Variants in THOC2 observed in about 807,000 individuals in gnomAD.
THOC2 encodes the protein THO complex subunit 2.
A neutral mutation model predicts 128.4 loss-of-function variants in THOC2; 10 were observed. The observed-to-expected ratio is 0.08, with a 90% CI of 0.05 to 0.13. The LOEUF (loss-of-function observed/expected upper bound fraction) is 0.13. Ranked by LOEUF, THOC2 falls within the 10% of genes least tolerant of loss-of-function variation. THOC2 has a pLI of 1.00. For synonymous variants in THOC2, 393 were observed against 396.9 expected (o/e 0.99, Z 0.12); for missense variants, 535 against 1,155.7 (o/e 0.46, Z 7.79).
At chrX:123,635,901 CTATT>C (rs2047654908) in intron 19 of THOC2, among the ~76,000 whole-genome samples, 174 bp downstream of exon 19, 2 of 111,850 alleles carry the variant, frequency 1.8e-5, no homozygotes, top group East Asian at 2.8e-4. Flanking sequence ...AAAAAGGTGT[CTATT>C]TATGTATTAA....
Position 123,634,090 on chromosome X carries a change from A to G in THOC2, c.2019-20T>C, listed in dbSNP as rs766108981. 7 of 958,200 alleles carry G rather than the reference A, an allele frequency of 7.3e-6. No homozygotes were observed. Among genetic ancestry groups the G allele is most frequent in the Middle Eastern group, 2.7e-4 (1 of 3,716 alleles). The allele number at this position is 958,200 out of a possible 1,213,427, so 79.0% of individuals were successfully genotyped here. ...TCAAAACTATTCAAAAAGAAAAAAG[A>G]AACAGTCTATAGTTAGAACTTCAAA... is the stretch of plus-strand genomic sequence containing the variant. On this transcript the variant is annotated intron_variant, in intron 19 of 38. Transcript: ENST00000245838.
chrX:123,601,194 T>C lies in THOC2; in HGVS notation c.*163A>G, dbSNP rs188934207. 9.3e-4 allele frequency: 105 copies of C among 112,365 alleles called. No individual in the cohort carries two copies. The highest frequency in any genetic ancestry group is 3.3e-3 in the African/African-American group (103 of 30,902). The allele number at this position is 112,365 out of a possible 1,213,427, so 9.3% of individuals were successfully genotyped here. The stretch of plus-strand genomic sequence containing the variant: ...AATACAGTAATGCACAACTTAACAA[T>C]TTTAAGTTTTCCACATGGAGCAATA... On this transcript the variant is annotated 3_prime_UTR_variant, in exon 39 of 39. Transcript: ENST00000245838.
Position 123,613,394 on chromosome X carries a change from T to G in THOC2, c.4677+5A>C, listed in dbSNP as rs745823924. The G allele has an allele frequency of 1.3e-5, 15 of 1,199,252 alleles. No homozygotes were observed. The South Asian group carries it at 2.5e-4, about 20-fold the overall frequency. On this transcript the variant is annotated splice_donor_5th_base_variant and intron_variant, in intron 36 of 38. Coordinates refer to ENST00000245838, the MANE Select transcript of THOC2 (RefSeq NM_001081550.2). Reference sequence around the variant, plus strand: ...GCATATTATTCCTTTATTTTCCTAATTTACCTTTTTGCCACCGGAGGAGAT... The same window carrying G: ...GCATATTATTCCTTTATTTTCCTAAGTTACCTTTTTGCCACCGGAGGAGAT...
At chrX:123,649,176 G>A (rs778417974) in intron 12 of THOC2, among the ~76,000 whole-genome samples, 2 of 112,112 alleles carry the variant, frequency 1.8e-5, no homozygotes, top group Admixed American at 9.4e-5. Context: ...AGGCAAACAG[G>A]GTCTGGAGTG....
At chrX:123,625,705 T>G (rs780314701) in intron 25 of THOC2, among the ~76,000 whole-genome samples, 1 of 111,572 alleles carries the variant, frequency 9.0e-6, no homozygotes, top group East Asian at 2.8e-4. Flanking sequence ...CAGGTACTTA[T>G]GCTTTACAGA....
rs1185041704 is a variant in THOC2 at position 123,717,634 on chromosome X, A to G, written c.72-4726T>C. 4.6e-5 allele frequency among the ~76,000 whole-genome samples: 5 copies of G among 108,015 alleles called. No homozygotes were observed. In the South Asian group the frequency reaches 1.2e-3, roughly 27 times the overall value. 93.8% of individuals were successfully genotyped at this position (108,015 alleles called of 115,157 possible). On this transcript the variant is annotated intron_variant, in intron 1 of 38. Transcript: ENST00000245838. ...GATATAAAGACTCAATGCAATCTCT[A>G]TCAAAACACCAATGCCATTTTTCAC...
At chrX:123,619,516 AC>A in intron 32 of THOC2, 80 bp from the exon 33 acceptor site, 1 of 1,126,585 alleles carries the variant, frequency 8.9e-7, no homozygotes, top group Non-Finnish European at 1.2e-6. Flanking sequence ...TATGGCTGTA[AC>A]CTGGAAATAA....
At chrX:123,693,082 A>G (rs1372103434) in intron 7 of THOC2, among the ~76,000 whole-genome samples, 1 of 112,288 alleles carries the variant, frequency 8.9e-6, no homozygotes, top group Non-Finnish European at 1.9e-5. Flanking sequence ...GTCTGCACTA[A>G]GAGGGACTCC....
intron 37 of THOC2, 90 bp from the exon 38 acceptor site, chrX:123,611,053 T>A: frequency 1.1e-6 from 1 of 873,767 alleles, no homozygotes; most frequent in Non-Finnish European, 1.7e-6. Context: ...GTTGCAGGCC[T>A]AAATGGGCTC....
intron 12 of THOC2, among the ~76,000 whole-genome samples, chrX:123,663,732 T>C (rs1470829989): frequency 1.8e-5 from 2 of 109,978 alleles, no homozygotes; most frequent in Non-Finnish European, 3.8e-5. Context: ...TAACTAGTCA[T>C]TTACATTAGG....
intron 37 of THOC2, 116 bp from the exon 38 acceptor site, chrX:123,611,079 C>A: frequency 3.1e-6 from 2 of 638,067 alleles, no homozygotes; most frequent in Admixed American, 3.1e-5. Context: ...AGCCTGGTAG[C>A]CTCAAACTCT....
intron 1 of THOC2, among the ~76,000 whole-genome samples, chrX:123,726,035 C>G (rs1239813061): frequency 9.0e-6 from 1 of 110,764 alleles, no homozygotes; most frequent in Admixed American, 9.7e-5. Flanking sequence ...ATGGTGAAAC[C>G]CCGTCTCTAC....
chrX:123,657,636 T>C (rs1422621202), intron 12 of THOC2, among the ~76,000 whole-genome samples: 3 of 90,566 alleles, frequency 3.3e-5, no homozygotes, highest in Non-Finnish European at 4.5e-5. Flanking sequence ...AGATTTAAAG[T>C]GTTAAGATAA....
chrX:123,687,099 G>T (rs2050029845), intron 7 of THOC2, among the ~76,000 whole-genome samples: 2 of 111,591 alleles, frequency 1.8e-5, no homozygotes, highest in African/African-American at 6.5e-5. Context: ...TACAAATTAA[G>T]CAACAAAAGG....
At chrX:123,634,802 T>C (rs1049254432) in intron 19 of THOC2, among the ~76,000 whole-genome samples, 2 of 111,961 alleles carry the variant, frequency 1.8e-5, no homozygotes, top group Non-Finnish European at 3.8e-5. Flanking sequence ...TTGTGGTATC[T>C]GAGCCAAAGA....
At chrX:123,681,957 G>A (rs954031215) in intron 8 of THOC2, among the ~76,000 whole-genome samples, 1 of 111,798 alleles carries the variant, frequency 8.9e-6, no homozygotes, top group African/African-American at 3.3e-5. Context: ...TACTCAGGAG[G>A]CTGAGGCAGG....
intron 12 of THOC2, among the ~76,000 whole-genome samples, chrX:123,648,413 T>C (rs1337122665): frequency 9.0e-6 from 1 of 111,727 alleles, no homozygotes; most frequent in African/African-American, 3.3e-5. Context: ...CTGCTGCTGC[T>C]GGAGTTTTCT....
intron 3 of THOC2, 24 bp from the exon 4 acceptor site, chrX:123,703,529 A>G: frequency 9.8e-7 from 1 of 1,022,704 alleles, no homozygotes; most frequent in Non-Finnish European, 1.4e-6. Flanking sequence ...TATAATTACA[A>G]TAAATAGCAA....
chrX:123,636,361 C>T (rs1341073615), intron 18 of THOC2, among the ~76,000 whole-genome samples, 186 bp from the exon 19 acceptor site: 1 of 111,816 alleles, frequency 8.9e-6, no homozygotes, highest in Non-Finnish European at 1.9e-5. Context: ...CTGTACCAAG[C>T]ACTTTATAAT....
Sources: allele counts gnomAD v4.1 joint callset (sites outside exome capture counted in the v4.1 genomes callset), GRCh38; gene constraint gnomAD v4.1.1; transcripts MANE v1.5; gene names NCBI Gene and HGNC (gene_info 2026-07-23, HGNC 2026-07-21).